The following ASAH1 variants were observed in gnomAD, a reference collection of about 807,000 sequenced individuals.
ASAH1 encodes the protein acid ceramidase.
ASAH1 carries 70 observed loss-of-function variants against 59.5 expected under a neutral mutation model. The ratio of observed to expected loss-of-function variants is 1.18; its 90% CI spans 0.97 to 1.43. The LOEUF (loss-of-function observed/expected upper bound fraction) is 1.43. Among genes scored for constraint, ASAH1 ranks in the 40% most tolerant of loss-of-function variants. The probability of loss-of-function intolerance (pLI) is 0.00; values close to 1 mark genes in which losing one functional copy is unlikely to be tolerated. For missense variants in ASAH1, 660 were observed against 482.5 expected, an observed-to-expected ratio of 1.37 and a Z score of -3.45; for synonymous variants, 213 against 166.5, an observed-to-expected ratio of 1.28 and a Z score of -2.15.
chr8:18,084,856 C>G (rs1426655954), upstream of ASAH1: 4 of 1,602,854 alleles, frequency 2.5e-6, no homozygotes, highest in Admixed American at 5.1e-5. Flanking sequence ...CGGAGCAGAG[C>G]TCAGCTTGGG....
Position 18,070,100 on chromosome 8 carries a change from C to T in ASAH1, c.217-222G>A, listed in dbSNP as rs34642578. Among the ~76,000 whole-genome samples the T allele has an allele frequency of 0.028, 4,222 of 152,270 alleles. 110 individuals are homozygous for T. Among genetic ancestry groups the T allele is most frequent in the Admixed American group, 0.08 (1,226 of 15,290 alleles). On this transcript the variant is annotated intron_variant, in intron 3 of 13. Coordinates refer to ENST00000637790, the MANE Select transcript of ASAH1 (RefSeq NM_177924.5). The stretch of plus-strand genomic sequence containing the variant: ...GGTTCAAGCGATTCTCCTGCCTCAG[C>T]CTCCCAAGTAGCTGAGATTACAAGT...
chr8:18,081,885 T>C (rs1423559776), intron 1 of ASAH1, among the ~76,000 whole-genome samples: 3 of 152,124 alleles, frequency 2.0e-5, no homozygotes, highest in Non-Finnish European at 2.9e-5. Flanking sequence ...AGTGCATGGA[T>C]CCCAGGATTT....
rs770125895 is a variant in ASAH1, at chr8:18,058,895, A to T, written c.1042-4T>A. The T allele has an allele frequency of 5.0e-6, 8 of 1,610,352 alleles. No homozygotes were observed. In the Admixed American group the frequency reaches 6.7e-5, roughly 13 times the overall value. ...ACATGGTTTCAAATGAGATATTCTA[A>T]AACACAAGAAAATAGTTTTGTTCAG... On this transcript the variant is annotated splice_region_variant and splice_polypyrimidine_tract_variant and intron_variant, in intron 12 of 13. Coordinates refer to ENST00000637790, the MANE Select transcript of ASAH1 (RefSeq NM_177924.5).
intron 2 of ASAH1, among the ~76,000 whole-genome samples, chr8:18,072,015 C>T (rs2117065056): frequency 6.6e-6 from 1 of 152,362 alleles, no homozygotes; most frequent in Non-Finnish European, 1.5e-5. Flanking sequence ...CCTCCAACTT[C>T]CTACTCTTTA....
upstream of ASAH1, chr8:18,084,736 G>A (rs375606490): frequency 6.2e-7 from 1 of 1,613,720 alleles, no homozygotes; most frequent in African/African-American, 1.3e-5. Flanking sequence ...AAAGCGCGCT[G>A]AGACTTGGGT....
chr8:18,067,100 T>C lies in ASAH1; in HGVS notation c.382+120A>G, dbSNP rs370712301. 128 of 549,756 alleles carry C rather than the reference T, an allele frequency of 2.3e-4. 6 individuals carry two copies. The highest frequency in any genetic ancestry group is 3.6e-4 in the Non-Finnish European group (120 of 332,022). 34.1% of individuals were successfully genotyped at this position (549,756 alleles called of 1,614,324 possible). A position where few individuals can be genotyped will look rare whatever the true frequency, so the allele number is the denominator to read the frequency against. On this transcript the variant is annotated intron_variant, in intron 5 of 13. Transcript: ENST00000637790. ...CACTGAGCTGTATATCTAAGACCTG[T>C]GCACCTGTGCTGTATATCTAAGACA...
Position 18,061,590 on chromosome 8 carries a change from C to T in ASAH1, c.703+96G>A, listed in dbSNP as rs539894393. ...TTAGACTTTGTAACCAGTCGGGAAC[C>T]GGAAGAGGTTGGACTTTGTAACCAG... On this transcript the variant is annotated intron_variant, in intron 9 of 13. Coordinates refer to ENST00000637790, the MANE Select transcript of ASAH1 (RefSeq NM_177924.5). 1.1e-4 allele frequency: 156 copies of T among 1,467,776 alleles called. No individual in the cohort carries two copies. In the African/African-American group the frequency reaches 1.5e-3, roughly 14 times the overall value. The allele number at this position is 1,467,776 out of a possible 1,614,324, so 90.9% of individuals were successfully genotyped here. A position where few individuals can be genotyped will look rare whatever the true frequency, so the allele number is the denominator to read the frequency against.
intron 4 of ASAH1, 114 bp downstream of exon 4, chr8:18,069,678 T>A: frequency 1.4e-6 from 1 of 730,726 alleles, no homozygotes; most frequent in East Asian, 2.7e-5. Flanking sequence ...GTGAGCTAGA[T>A]TCATGCAGAT....
rs922121638 is a variant in ASAH1, at chr8:18,056,122, A to C, written c.*1412T>G. The C allele has an allele frequency of 2.6e-5, 4 of 152,184 alleles. No individual in the cohort carries two copies. Among genetic ancestry groups the C allele is most frequent in the African/African-American group, 9.7e-5 (4 of 41,434 alleles). 9.4% of individuals were successfully genotyped at this position (152,184 alleles called of 1,614,324 possible). Reference sequence around the variant, plus strand: ...AGTAAAGTTTTTTTTTCATTAATTAAATCCTATTTTAATGTAAATCCTCTT... The same window carrying C: ...AGTAAAGTTTTTTTTTCATTAATTACATCCTATTTTAATGTAAATCCTCTT... On this transcript the variant is annotated 3_prime_UTR_variant, in exon 14 of 14. Transcript: ENST00000637790.
At chr8:18,061,997 C>A in intron 8 of ASAH1, 1 of 619,814 alleles carries the variant, frequency 1.6e-6, no homozygotes, top group Non-Finnish European at 2.8e-6. Context: ...GCCTGACTTG[C>A]CTAAGTGAGC....
intron 5 of ASAH1, 77 bp downstream of exon 5, chr8:18,067,143 A>ATATCTAAGACATACAGCACCTGTGCTGTT: frequency 1.5e-6 from 2 of 1,321,238 alleles, no homozygotes; most frequent in Non-Finnish European, 2.1e-6. Context: ...CCTGTGCTGT[A>ATATCTAAGACATACAGCACCTGTGCTGTT]TGTATATCAC....
intron 12 of ASAH1, chr8:18,059,135 C>G (rs1245023207): frequency 1.3e-6 from 1 of 769,440 alleles, no homozygotes; most frequent in African/African-American, 1.8e-5. Flanking sequence ...AGAGTGGTAT[C>G]CAGCATTAGA....
chr8:18,080,313 G>C (rs938470995), intron 1 of ASAH1, among the ~76,000 whole-genome samples: 2 of 152,050 alleles, frequency 1.3e-5, no homozygotes, highest in African/African-American at 4.8e-5. Flanking sequence ...TTTCATCTTC[G>C]CACATCTTAT....
chr8:18,071,239 A>C, intron 3 of ASAH1, 61 bp downstream of exon 3: 1 of 835,916 alleles, frequency 1.2e-6, no homozygotes, highest in Non-Finnish European at 1.5e-6. Flanking sequence ...ATAAATAAAA[A>C]TAAAGAAATA....
At chr8:18,080,671 C>T (rs143060129) in intron 1 of ASAH1, among the ~76,000 whole-genome samples, 1 of 152,220 alleles carries the variant, frequency 6.6e-6, no homozygotes, top group African/African-American at 2.4e-5. Context: ...AATTCTCCCG[C>T]CTCAGCCTCC....
chr8:18,084,229 G>A, upstream of ASAH1: 1 of 1,478,696 alleles, frequency 6.8e-7, no homozygotes, highest in Non-Finnish European at 8.9e-7. Context: ...AGAGGACGGG[G>A]CTTTTCAGTG....
intron 5 of ASAH1, chr8:18,066,230 T>A (rs920416548): frequency 1.3e-5 from 2 of 151,844 alleles, no homozygotes; most frequent in African/African-American, 4.8e-5. Context: ...TTCACTAAAA[T>A]TAAAAATTTC....
intron 4 of ASAH1, chr8:18,068,130 T>C (rs1800009530): frequency 6.6e-6 from 1 of 152,220 alleles, no homozygotes; most frequent in Admixed American, 6.5e-5. Flanking sequence ...ATACACAGTA[T>C]GTCATTTAAC....
intron 10 of ASAH1, 97 bp from the exon 11 acceptor site, chr8:18,059,800 A>G (rs1799618550): frequency 1.6e-6 from 2 of 1,281,542 alleles, no homozygotes; most frequent in Non-Finnish European, 2.2e-6. Flanking sequence ...TCTGGGACAC[A>G]TGTGCTGAAC....
Sources: allele counts gnomAD v4.1 joint callset (sites outside exome capture counted in the v4.1 genomes callset), GRCh38; gene constraint gnomAD v4.1.1; transcripts MANE v1.5; gene names NCBI Gene and HGNC (gene_info 2026-07-23, HGNC 2026-07-21).